Variants in TCAIM observed in about 807,000 individuals in gnomAD.
TCAIM encodes the protein T cell activation inhibitor, mitochondrial, also known as T-cell activation inhibitor, mitochondrial.
In TCAIM, 36 loss-of-function variants were observed where a neutral mutation model predicts 58.6. That is an observed-to-expected ratio of 0.61 (90% confidence interval 0.47 to 0.81). The LOEUF (loss-of-function observed/expected upper bound fraction) is 0.81, where lower values mean the gene tolerates loss of function less well. Among genes scored for constraint, TCAIM ranks in the 30% least tolerant of loss-of-function variants. The pLI is 0.00. For missense variants in TCAIM, 466 were observed against 579.6 expected (o/e 0.80, Z 2.01); for synonymous variants, 172 against 193.6 (o/e 0.89, Z 0.93).
intron 10 of TCAIM, among the ~76,000 whole-genome samples, chr3:44,402,120 T>C (rs1702030188): frequency 6.6e-6 from 1 of 152,122 alleles, no homozygotes; most frequent in Non-Finnish European, 1.5e-5. Flanking sequence ...AAAAATCATT[T>C]TAGGCCGTGC....
chr3:44,361,660 AG>A, intron 4 of TCAIM, 142 bp downstream of exon 4: 1 of 914,964 alleles, frequency 1.1e-6, no homozygotes, highest in Non-Finnish European at 1.5e-6. Context: ...TCCTAGAATT[AG>A]ATTCTATTCC....
intron 8 of TCAIM, among the ~76,000 whole-genome samples, chr3:44,398,655 A>G (rs1298585674): frequency 6.6e-6 from 1 of 152,248 alleles, no homozygotes; most frequent in Non-Finnish European, 1.5e-5. Flanking sequence ...GGTTTCTTAC[A>G]AAACTAAACA....
At chr3:44,394,921 A>T (rs868844853) in intron 6 of TCAIM, among the ~76,000 whole-genome samples, 9 of 48,480 alleles carry the variant, frequency 1.9e-4, no homozygotes, top group African/African-American at 2.7e-4. Context: ...AAAAAAAAAA[A>T]ATATATATAT....
chr3:44,373,646 T>G (rs1701518107), intron 5 of TCAIM, among the ~76,000 whole-genome samples: 1 of 151,958 alleles, frequency 6.6e-6, no homozygotes, highest in Non-Finnish European at 1.5e-5. Context: ...AGAGTGAGAC[T>G]CTGTCTGAAA....
chr3:44,362,648 T>C (rs994179225), intron 4 of TCAIM: 1 of 372,894 alleles, frequency 2.7e-6, no homozygotes, highest in Non-Finnish European at 4.7e-6. Flanking sequence ...TATTCTTCAA[T>C]ATTTAAAGAT....
At chr3:44,397,374 T>C (rs1701951667) in intron 8 of TCAIM, among the ~76,000 whole-genome samples, 1 of 152,224 alleles carries the variant, frequency 6.6e-6, no homozygotes, top group African/African-American at 2.4e-5. Flanking sequence ...GAGTTTTTCA[T>C]AAGTGGAATC....
intron 7 of TCAIM, 59 bp from the exon 8 acceptor site, chr3:44,396,684 C>CA: frequency 6.4e-7 from 1 of 1,565,136 alleles, no homozygotes; most frequent in Non-Finnish European, 8.8e-7. Context: ...ACTATTTGCA[C>CA]AATGCTGAAA....
At chr3:44,366,745 C>T (rs1559568238) in intron 4 of TCAIM, among the ~76,000 whole-genome samples, 1 of 151,846 alleles carries the variant, frequency 6.6e-6, no homozygotes, top group African/African-American at 2.4e-5. Flanking sequence ...GGATTACAGG[C>T]ATGAGCCACC....
At chr3:44,375,412 A>G (rs1701549282) in intron 5 of TCAIM, among the ~76,000 whole-genome samples, 1 of 152,120 alleles carries the variant, frequency 6.6e-6, no homozygotes, top group South Asian at 2.1e-4. Context: ...AGAAAGGAGG[A>G]AAAAAAGAGA....
intron 5 of TCAIM, among the ~76,000 whole-genome samples, chr3:44,384,918 C>G (rs560610172): frequency 8.5e-5 from 13 of 152,090 alleles, no homozygotes; most frequent in African/African-American, 3.1e-4. Flanking sequence ...TTTCATGGAG[C>G]GTGATAAATG....
chr3:44,344,001 T>G (rs1005713435), intron 1 of TCAIM, among the ~76,000 whole-genome samples: 1 of 150,228 alleles, frequency 6.7e-6, no homozygotes, highest in Non-Finnish European at 1.5e-5. Context: ...TTATTTTGCT[T>G]TGATTATTTT....
chr3:44,350,117 C>T (rs1419574258), intron 1 of TCAIM, among the ~76,000 whole-genome samples: 4 of 152,004 alleles, frequency 2.6e-5, no homozygotes, highest in East Asian at 1.9e-4. Flanking sequence ...AGGCTGAGTC[C>T]GAAAAGAGAG....
chr3:44,403,264 G>A (rs940044431), intron 10 of TCAIM, among the ~76,000 whole-genome samples: 5 of 152,086 alleles, frequency 3.3e-5, no homozygotes, highest in Admixed American at 6.5e-5. Context: ...GCGAGACTCC[G>A]TCTCAGAAAA....
chr3:44,362,483 C>T, intron 4 of TCAIM: 1 of 400,816 alleles, frequency 2.5e-6, no homozygotes, highest in East Asian at 3.6e-5. Context: ...AAGACAACTC[C>T]TCACCCAGTC....
intron 1 of TCAIM, among the ~76,000 whole-genome samples, chr3:44,346,480 G>A (rs1045956751): frequency 2.0e-5 from 3 of 152,182 alleles, no homozygotes; most frequent in Non-Finnish European, 2.9e-5. Flanking sequence ...CTGGGCAGGG[G>A]CAAATCCCCG....
chr3:44,392,819 G>A (rs11716955), intron 5 of TCAIM, 36 bp from the exon 6 acceptor site: 128,285 of 1,574,016 alleles, frequency 0.082, 6,143 homozygotes, highest in Non-Finnish European at 0.092. Flanking sequence ...GTATATTATA[G>A]TTAGTATTGT....
Position 44,407,697 on chromosome 3 carries a change from T to C in TCAIM, c.*15T>C. ...CCATTAAGTAACACAGAAATCTGTT[T>C]TATTTTTTTAAGAGATAAGAAAGGA... On this transcript the variant is annotated 3_prime_UTR_variant, in exon 11 of 11. Transcript: ENST00000342649. 1 of 1,559,204 alleles carries C rather than the reference T, an allele frequency of 6.4e-7. No homozygotes were observed.
intron 2 of TCAIM, among the ~76,000 whole-genome samples, chr3:44,355,065 C>T (rs770009727): frequency 6.6e-6 from 1 of 152,154 alleles, no homozygotes; most frequent in Non-Finnish European, 1.5e-5. Context: ...GATCAAGTTT[C>T]CTCTTAACAC....
chr3:44,349,292 A>G (rs1250490517), intron 1 of TCAIM, among the ~76,000 whole-genome samples: 1 of 152,208 alleles, frequency 6.6e-6, no homozygotes, highest in Non-Finnish European at 1.5e-5. Context: ...ATTTTACTAC[A>G]AGAATTATCT....
Sources: gnomAD v4.1 joint callset for allele counts (sites outside exome capture counted in the v4.1 genomes callset) on GRCh38, gnomAD v4.1.1 for gene constraint, MANE v1.5 for transcripts, NCBI Gene and HGNC (gene_info 2026-07-23, HGNC 2026-07-21) for gene names.